The following GOT2 variants were observed in gnomAD, a reference collection of about 807,000 sequenced individuals.
GOT2 encodes aspartate aminotransferase, mitochondrial.
GOT2 carries 17 observed loss-of-function variants against 50.0 expected under a neutral mutation model. That is an observed-to-expected ratio of 0.34 (90% CI 0.23 to 0.51). GOT2 has a LOEUF of 0.51. Ranked by LOEUF, GOT2 falls within the 20% of genes least tolerant of loss-of-function variation. The pLI is 0.97. For synonymous variants in GOT2, 172 were observed against 204.9 expected (o/e 0.84, Z 1.37); for missense variants, 430 against 559.6 (o/e 0.77, Z 2.34).
intron 2 of GOT2, among the ~76,000 whole-genome samples, chr16:58,722,527 C>T (rs1178550042): frequency 2.0e-5 from 3 of 151,906 alleles, no homozygotes; most frequent in Admixed American, 6.6e-5. Flanking sequence ...TGCACCACCA[C>T]GCCCAGCTAA....
At chr16:58,708,544 G>C (rs957159776) in intron 9 of GOT2, among the ~76,000 whole-genome samples, 22 of 152,114 alleles carry the variant, frequency 1.4e-4, no homozygotes, top group African/African-American at 5.3e-4. Flanking sequence ...CCTGGAACCT[G>C]GGAGGCAGAG....
chr16:58,732,291 G>A (rs1463543872), intron 1 of GOT2, among the ~76,000 whole-genome samples: 1 of 151,908 alleles, frequency 6.6e-6, no homozygotes, highest in Non-Finnish European at 1.5e-5. Flanking sequence ...GCAACACAGT[G>A]AGACCCTGTA....
At chr16:58,719,556 G>C (rs113614013) in intron 3 of GOT2, among the ~76,000 whole-genome samples, 1 of 152,148 alleles carries the variant, frequency 6.6e-6, no homozygotes, top group African/African-American at 2.4e-5. Flanking sequence ...TCAGGAGTTC[G>C]AGACCAGCCT....
At chr16:58,716,241 T>C (rs1376344965) in intron 7 of GOT2, 62 bp from the exon 8 acceptor site, 1 of 1,427,008 alleles carries the variant, frequency 7.0e-7, no homozygotes, top group South Asian at 1.2e-5. Flanking sequence ...AAGCAAATCA[T>C]GAGTGTATTT....
chr16:58,725,695 T>C (rs936523547), intron 1 of GOT2, among the ~76,000 whole-genome samples: 3 of 152,234 alleles, frequency 2.0e-5, no homozygotes, highest in African/African-American at 7.2e-5. Flanking sequence ...TTGTACTGCG[T>C]GTGTTCACGA....
chr16:58,727,484 A>G (rs1273961870), intron 1 of GOT2, among the ~76,000 whole-genome samples: 2 of 152,156 alleles, frequency 1.3e-5, no homozygotes, highest in African/African-American at 4.8e-5. Flanking sequence ...CATTAAGAAC[A>G]TTATGCTAAG....
At chr16:58,730,366 G>A (rs1057026982) in intron 1 of GOT2, among the ~76,000 whole-genome samples, 26 of 146,550 alleles carry the variant, frequency 1.8e-4, no homozygotes, top group Non-Finnish European at 4.5e-5. Flanking sequence ...TCCAGTGTCT[G>A]TTGTTCCCCT....
intron 1 of GOT2, among the ~76,000 whole-genome samples, chr16:58,725,015 G>A (rs1273855472): frequency 2.6e-5 from 4 of 152,092 alleles, no homozygotes; most frequent in Non-Finnish European, 5.9e-5. Flanking sequence ...CCCTCTACTG[G>A]AATTTGTCTG....
intron 8 of GOT2, among the ~76,000 whole-genome samples, chr16:58,714,409 G>A (rs537697878): frequency 2.6e-5 from 4 of 152,076 alleles, no homozygotes; most frequent in Middle Eastern, 3.4e-3. Context: ...AAAATTAGCC[G>A]GGCGTAGTGG....
At chr16:58,732,544 A>G (rs528226606) in intron 1 of GOT2, among the ~76,000 whole-genome samples, 1 of 152,226 alleles carries the variant, frequency 6.6e-6, no homozygotes, top group Non-Finnish European at 1.5e-5. Context: ...TAAAATAAAA[A>G]TATCCAATAT....
intron 1 of GOT2, among the ~76,000 whole-genome samples, chr16:58,733,722 T>C (rs911091158): frequency 7.9e-5 from 12 of 152,020 alleles, no homozygotes; most frequent in African/African-American, 2.7e-4. Flanking sequence ...GCCCACCGAC[T>C]CGGGCGGGCC....
At chr16:58,733,317 C>T (rs1174879428) in intron 1 of GOT2, among the ~76,000 whole-genome samples, 1 of 152,052 alleles carries the variant, frequency 6.6e-6, no homozygotes, top group Non-Finnish European at 1.5e-5. Flanking sequence ...TTGTCATTGT[C>T]CTTCCCTCGC....
At chr16:58,713,381 G>A (rs1050018416) in intron 8 of GOT2, among the ~76,000 whole-genome samples, 5 of 152,256 alleles carry the variant, frequency 3.3e-5, no homozygotes, top group African/African-American at 7.2e-5. Flanking sequence ...GCTCACAGCT[G>A]TAATCCCAGC....
intron 1 of GOT2, among the ~76,000 whole-genome samples, chr16:58,727,367 G>GTT (rs11423426): frequency 6.1e-4 from 91 of 147,992 alleles, no homozygotes; most frequent in Middle Eastern, 3.4e-3. Flanking sequence ...AATATAAAAG[G>GTT]TTTTTTTTTT....
chr16:58,716,602 T>A, intron 7 of GOT2, 61 bp downstream of exon 7: 1 of 1,432,818 alleles, frequency 7.0e-7, no homozygotes, highest in Non-Finnish European at 9.7e-7. Context: ...ACAAGCTCTA[T>A]GCCCTCGTGG....
In GOT2 at chr16:58,722,233, G is replaced by C; in HGVS notation, c.292C>G (p.Pro98Ala). Residue 98 changes from proline to alanine, a missense_variant, in exon 3 of 10, where the codon CCC becomes GCC. By Grantham distance (27) the Pro-to-Ala change is conservative. Coordinates refer to ENST00000245206, the MANE Select transcript of GOT2 (RefSeq NM_002080.4). The stretch of plus-strand genomic sequence containing the variant: ...CAAAATTCAGCCAGTCCCCCAATGG[G>C]CAGGTATTCCTTGTCCAAATTTTTT... ...AAKNLDKEYL[P>A]IGGLAEFCKA... 1 of 1,612,942 alleles carries C rather than the reference G, an allele frequency of 6.2e-7. No individual in the cohort carries two copies. Among genetic ancestry groups the C allele is most frequent in the Non-Finnish European group, 8.5e-7 (1 of 1,179,692 alleles).
intron 8 of GOT2, among the ~76,000 whole-genome samples, chr16:58,710,287 A>G (rs578198584): frequency 2.0e-5 from 3 of 151,878 alleles, no homozygotes; most frequent in Non-Finnish European, 4.4e-5. Context: ...TGGTATGATC[A>G]TGGCTCACTG....
intron 1 of GOT2, among the ~76,000 whole-genome samples, chr16:58,727,878 T>C (rs1376585076): frequency 6.6e-6 from 1 of 152,200 alleles, no homozygotes; most frequent in East Asian, 1.9e-4. Flanking sequence ...TAATCACTCA[T>C]CCACTGTGAA....
intron 8 of GOT2, among the ~76,000 whole-genome samples, chr16:58,715,041 T>C (rs2044680695): frequency 6.6e-6 from 1 of 151,940 alleles, no homozygotes; most frequent in Admixed American, 6.6e-5. Flanking sequence ...GAGAGTCAGA[T>C]AGTACAGATA....
Sources: allele counts gnomAD v4.1 joint callset (sites outside exome capture counted in the v4.1 genomes callset), GRCh38; gene constraint gnomAD v4.1.1; transcripts MANE v1.5; gene names NCBI Gene and HGNC (gene_info 2026-07-23, HGNC 2026-07-21).